Variants in PSENEN observed in about 807,000 individuals in gnomAD.
PSENEN encodes the protein gamma-secretase subunit PEN-2.
A neutral mutation model predicts 15.4 loss-of-function variants in PSENEN; 4 were observed. The observed-to-expected ratio is 0.26, with a 90% CI of 0.13 to 0.59. The LOEUF is 0.59. Among genes scored for constraint, PSENEN ranks in the 20% least tolerant of loss-of-function variants. The probability of loss-of-function intolerance (pLI) is 0.89; values close to 1 mark genes in which losing one functional copy is unlikely to be tolerated. For missense variants in PSENEN, 112 were observed against 120.3 expected (o/e 0.93, Z 0.32); for synonymous variants, 42 against 46.5 (o/e 0.90, Z 0.39).
Position 35,746,963 on chromosome 19 carries a change from G to C in PSENEN, c.*116G>C. ...CCTAAGACTTGTTTTCATGTCCCAC[G>C]TTCTCTGCTGACATCCCCCAATAAA... On this transcript the variant is annotated 3_prime_UTR_variant, in exon 4 of 4. Transcript: ENST00000587708. 1 of 1,080,306 alleles carries C rather than the reference G, an allele frequency of 9.3e-7. No individual in the cohort carries two copies. Among genetic ancestry groups the C allele is most frequent in the South Asian group, 1.6e-5 (1 of 63,726 alleles). The allele number at this position is 1,080,306 out of a possible 1,614,324, so 66.9% of individuals were successfully genotyped here.
At position 35,746,384 on chromosome 19, in the gene PSENEN, T is replaced by C. The variant is rs1970569054; in HGVS notation, c.62-35T>C. On this transcript the variant is annotated intron_variant, in intron 2 of 3. Transcript: ENST00000587708. ...AAGATCTTCATTGCCTTATGAGGTTTTGGGGTTTGTTTGTTTGTTTTTCTT... is the reference window on the plus strand; with the variant it reads ...AAGATCTTCATTGCCTTATGAGGTTCTGGGGTTTGTTTGTTTGTTTTTCTT... The C allele has an allele frequency of 2.0e-6, 3 of 1,520,574 alleles. No individual in the cohort carries two copies. The African/African-American group carries it at 4.1e-5, about 21-fold the overall frequency. The allele number at this position is 1,520,574 out of a possible 1,614,324, so 94.2% of individuals were successfully genotyped here. A position where few individuals can be genotyped will look rare whatever the true frequency, so the allele number is the denominator to read the frequency against.
intron 3 of PSENEN, 75 bp downstream of exon 3, chr19:35,746,598 C>G: frequency 1.9e-6 from 3 of 1,603,762 alleles, no homozygotes; most frequent in Non-Finnish European, 2.6e-6. Flanking sequence ...TGGGAAGGGA[C>G]AATGGAGGAT....
Position 35,747,056 on chromosome 19 carries a change from T to G in PSENEN, c.*209T>G. On this transcript the variant is annotated 3_prime_UTR_variant, in exon 4 of 4. Transcript: ENST00000587708. ...GTTGAGGCATAAATGATTATTAATA[T>G]TTAAAAACATCTGTTGAGAGCTTTG... The G allele has an allele frequency of 1.9e-6, 1 of 538,048 alleles. No individual in the cohort carries two copies. 33.3% of individuals were successfully genotyped at this position (538,048 alleles called of 1,614,324 possible).
In PSENEN at chr19:35,746,867, G is replaced by A. The variant is rs777852423; in HGVS notation, c.*20G>A. The A allele has an allele frequency of 1.4e-5, 23 of 1,613,000 alleles. No individual in the cohort carries two copies. The highest frequency in any genetic ancestry group is 1.9e-5 in the Non-Finnish European group (22 of 1,179,648). ...CCCTGACAACTTCTGCACATACTGG[G>A]GCCCTGCTTATTCTCCCAGGACAGG... On this transcript the variant is annotated 3_prime_UTR_variant, in exon 4 of 4. Coordinates refer to ENST00000587708, the MANE Select transcript of PSENEN (RefSeq NM_172341.4).
Position 35,747,016 on chromosome 19 carries a change from T to C in PSENEN, c.*169T>C, listed in dbSNP as rs1239792901. ...ACCCTAACTTTCGATACTGACTTCCTGGGATCTTTTAGAGGTTGAGGCATA... is the reference window on the plus strand; with the variant it reads ...ACCCTAACTTTCGATACTGACTTCCCGGGATCTTTTAGAGGTTGAGGCATA... On this transcript the variant is annotated 3_prime_UTR_variant, in exon 4 of 4. Coordinates refer to ENST00000587708, the MANE Select transcript of PSENEN (RefSeq NM_172341.4). 6.3e-6 allele frequency: 4 copies of C among 631,324 alleles called. No individual in the cohort carries two copies. The highest frequency in any genetic ancestry group is 1.1e-5 in the Non-Finnish European group (4 of 376,062). 39.1% of individuals were successfully genotyped at this position (631,324 alleles called of 1,614,324 possible). A position where few individuals can be genotyped will look rare whatever the true frequency, so the allele number is the denominator to read the frequency against.
intron 2 of PSENEN, 109 bp from the exon 3 acceptor site, chr19:35,746,310 C>T: frequency 2.1e-6 from 2 of 965,446 alleles, no homozygotes; most frequent in South Asian, 2.7e-5. Context: ...TCCATTTGAA[C>T]TTGGGTGTGG....
chr19:35,745,774 G>A, intron 1 of PSENEN, 61 bp from the exon 2 acceptor site: 1 of 791,490 alleles, frequency 1.3e-6, no homozygotes, highest in Non-Finnish European at 2.2e-6. Context: ...ACTAGTGGGG[G>A]TGGGGATGCC....
rs1475982949 is a variant in PSENEN at position 35,745,924 on chromosome 19, C to T, written c.-7C>T. ...GACCCTTGGGACGACCCGGCCCCAG[C>T]GCAGCTATGAACCTGGAGCGAGTGT... On this transcript the variant is annotated 5_prime_UTR_variant, in exon 2 of 4. Coordinates refer to ENST00000587708, the MANE Select transcript of PSENEN (RefSeq NM_172341.4). 1.2e-6 allele frequency: 2 copies of T among 1,613,968 alleles called. No individual in the cohort carries two copies. Among genetic ancestry groups the T allele is most frequent in the Admixed American group, 1.7e-5 (1 of 60,006 alleles).
chr19:35,745,779 G>GA (rs1970549012), intron 1 of PSENEN, 56 bp from the exon 2 acceptor site: 2 of 817,084 alleles, frequency 2.4e-6, no homozygotes, highest in Non-Finnish European at 4.2e-6. Context: ...TGGGGGTGGG[G>GA]ATGCCCTGCT....
chr19:35,745,794 G>A, intron 1 of PSENEN, 41 bp from the exon 2 acceptor site: 1 of 935,714 alleles, frequency 1.1e-6, no homozygotes, highest in Non-Finnish European at 1.7e-6. Flanking sequence ...CCTGCTTTCA[G>A]CAAACCGACC....
chr19:35,745,848 C>A lies in PSENEN; in HGVS notation c.-83C>A. 1 of 1,376,328 alleles carries A rather than the reference C, an allele frequency of 7.3e-7. No individual in the cohort carries two copies. 85.3% of individuals were successfully genotyped at this position (1,376,328 alleles called of 1,614,324 possible). A position where few individuals can be genotyped will look rare whatever the true frequency, so the allele number is the denominator to read the frequency against. ...TTGTTCTAATAGGGGCGTGGTTGTTCGTGATCCTTGCATCTGTTACTTAGG... is the reference window on the plus strand; with the variant it reads ...TTGTTCTAATAGGGGCGTGGTTGTTAGTGATCCTTGCATCTGTTACTTAGG... On this transcript the variant is annotated 5_prime_UTR_variant, in exon 2 of 4. Transcript: ENST00000587708.
chr19:35,747,221 TTTTTC>T lies in PSENEN; in HGVS notation c.*379_*383del. 6.6e-6 allele frequency: 1 copy of T among 151,140 alleles called. No individual in the cohort carries two copies. The highest frequency in any genetic ancestry group is 1.4e-5 in the Non-Finnish European group (1 of 72,882). 9.4% of individuals were successfully genotyped at this position (151,140 alleles called of 1,614,324 possible). On this transcript the variant is annotated 3_prime_UTR_variant, in exon 4 of 4. Transcript: ENST00000587708. ...GAATAGTGCTTCCATTTCTTTTTCT[TTTTTC>T]TTTTTTTTTTTTTTTTTTGAGACAG...
rs376589268 is a variant in PSENEN, at chr19:35,745,895, C to T, written c.-36C>T. 5 of 1,608,962 alleles carry T rather than the reference C, an allele frequency of 3.1e-6. No homozygotes were observed. The highest frequency in any genetic ancestry group is 1.3e-5 in the African/African-American group (1 of 74,962). On this transcript the variant is annotated 5_prime_UTR_variant, in exon 2 of 4. Transcript: ENST00000587708. ...TAGGGTCAAGGCTTGGGTCTTGCCC[C>T]GCAGACCCTTGGGACGACCCGGCCC...
intron 2 of PSENEN, 29 bp downstream of exon 2, chr19:35,746,020 A>G (rs1970557379): frequency 1.9e-6 from 3 of 1,610,942 alleles, no homozygotes; most frequent in Non-Finnish European, 2.5e-6. Flanking sequence ...GTCCCAGGAG[A>G]AGAGAGGGGA....
At chr19:35,746,666 C>A (rs1001123270) in intron 3 of PSENEN, 42 bp from the exon 4 acceptor site, 13 of 1,614,058 alleles carry the variant, frequency 8.1e-6, no homozygotes, top group Non-Finnish European at 1.1e-5. Flanking sequence ...GTCTGGAGAG[C>A]AGCCGGAGGC....
Position 35,745,908 on chromosome 19 carries a change from G to A in PSENEN, c.-23G>A. Reference sequence around the variant, plus strand: ...TGGGTCTTGCCCCGCAGACCCTTGGGACGACCCGGCCCCAGCGCAGCTATG... The same window carrying A: ...TGGGTCTTGCCCCGCAGACCCTTGGAACGACCCGGCCCCAGCGCAGCTATG... On this transcript the variant is annotated 5_prime_UTR_variant, in exon 2 of 4. Coordinates refer to ENST00000587708, the MANE Select transcript of PSENEN (RefSeq NM_172341.4). 4.3e-6 allele frequency: 7 copies of A among 1,613,942 alleles called. No individual in the cohort carries two copies. Among genetic ancestry groups the A allele is most frequent in the Non-Finnish European group, 5.9e-6 (7 of 1,179,934 alleles).
At position 35,746,894 on chromosome 19, in the gene PSENEN, TC is replaced by T; in HGVS notation, c.*49del. 6.3e-7 allele frequency: 1 copy of T among 1,598,672 alleles called. No individual in the cohort carries two copies. Among genetic ancestry groups the T allele is most frequent in the Non-Finnish European group, 8.5e-7 (1 of 1,172,072 alleles). ...CCCTGCTTATTCTCCCAGGACAGGC[TC>T]CTTAAAGCAGAGGAGCCTGTCCTGG... On this transcript the variant is annotated 3_prime_UTR_variant, in exon 4 of 4. Transcript: ENST00000587708.
At chr19:35,745,730 G>T in intron 1 of PSENEN, 30 bp downstream of exon 1, 2 of 665,138 alleles carry the variant, frequency 3.0e-6, no homozygotes, top group Non-Finnish European at 5.3e-6. Context: ...GCCCACCCTA[G>T]TAAATATAAA....
rs545231377 is a variant in PSENEN at position 35,746,917 on chromosome 19, C to T, written c.*70C>T. ...GCTCCTTAAAGCAGAGGAGCCTGTC[C>T]TGGGAGCCCCTTCTCAAACTCCTAA... On this transcript the variant is annotated 3_prime_UTR_variant, in exon 4 of 4. Coordinates refer to ENST00000587708, the MANE Select transcript of PSENEN (RefSeq NM_172341.4). 1 of 1,489,582 alleles carries T rather than the reference C, an allele frequency of 6.7e-7. No individual in the cohort carries two copies. Among genetic ancestry groups the T allele is most frequent in the Non-Finnish European group, 9.1e-7 (1 of 1,104,568 alleles). The allele number at this position is 1,489,582 out of a possible 1,614,324, so 92.3% of individuals were successfully genotyped here. A position where few individuals can be genotyped will look rare whatever the true frequency, so the allele number is the denominator to read the frequency against.
Sources: gnomAD v4.1 joint callset for allele counts on GRCh38, gnomAD v4.1.1 for gene constraint, MANE v1.5 for transcripts, NCBI Gene and HGNC (gene_info 2026-07-23, HGNC 2026-07-21) for gene names.